The following ESR1 variants were observed in gnomAD, a reference collection of about 807,000 sequenced individuals.
ESR1 encodes estrogen receptor.
Under a neutral mutation model 52.7 loss-of-function variants are expected in ESR1, and 12 were observed. That is an observed-to-expected ratio of 0.23 (90% CI 0.15 to 0.37). ESR1 has a LOEUF of 0.37. ESR1 is among the 10% of genes least tolerant of loss of function. ESR1 has a pLI of 1.00. For synonymous variants in ESR1, 305 were observed against 316.8 expected (o/e 0.96, Z 0.39); for missense variants, 584 against 779.7 (o/e 0.75, Z 2.99).
At chr6:152,037,453 C>T (rs771912296) in intron 5 of ESR1, among the ~76,000 whole-genome samples, 14 of 152,168 alleles carry the variant, frequency 9.2e-5, no homozygotes, top group South Asian at 2.1e-4. Flanking sequence ...TCTGAAATCA[C>T]GTGAATGATG....
In ESR1 at chr6:151,663,273, A is replaced by C. The variant is rs1306803090; in HGVS notation, n.73+6510A>C. On this transcript the variant is annotated intron_variant and non_coding_transcript_variant, in intron 1 of 2. Transcript: ENST00000473497. ...ATTAATTAATGGCCTATAGAGCTTC[A>C]TGTAGGTTGGTACTTCAAAGTCCCA... 2.0e-5 allele frequency among the ~76,000 whole-genome samples: 3 copies of C among 152,214 alleles called. No individual in the cohort carries two copies. In the East Asian group the frequency reaches 5.8e-4, roughly 29 times the overall value.
At chr6:151,994,983 C>T (rs935506495) in intron 4 of ESR1, among the ~76,000 whole-genome samples, 5 of 151,998 alleles carry the variant, frequency 3.3e-5, no homozygotes, top group Non-Finnish European at 5.9e-5. Context: ...AAGGGGAAAC[C>T]ATAATGCCTT....
At chr6:151,811,436 AT>A (rs1778820636) in intron 1 of ESR1, among the ~76,000 whole-genome samples, 1 of 152,200 alleles carries the variant, frequency 6.6e-6, no homozygotes, top group Admixed American at 6.5e-5. Context: ...CTGCATGCTT[AT>A]TTCAGTTTTA....
chr6:151,829,616 A>T (rs1181819133), intron 1 of ESR1, among the ~76,000 whole-genome samples: 2 of 152,190 alleles, frequency 1.3e-5, no homozygotes, highest in Non-Finnish European at 2.9e-5. Flanking sequence ...GGTTTGAAAA[A>T]TGGGCTTTGC....
intron 1 of ESR1, among the ~76,000 whole-genome samples, chr6:151,672,410 C>T (rs887057213): frequency 6.6e-6 from 1 of 151,868 alleles, no homozygotes; most frequent in African/African-American, 2.4e-5. Flanking sequence ...CATCTTGGCT[C>T]ACTGTAGCCT....
In ESR1 at chr6:151,816,184, C is replaced by A. The variant is rs1779607064; in HGVS notation, c.452+7820C>A. ...TGCTGTGACCAAAGGCTCCCAGGAA[C>A]CTACCCTATTTTCCCCTCAATGCAA... On this transcript the variant is annotated intron_variant, in intron 1 of 7. Coordinates refer to ENST00000206249, the MANE Select transcript of ESR1 (RefSeq NM_000125.4). 2.6e-5 allele frequency among the ~76,000 whole-genome samples: 4 copies of A among 152,142 alleles called. No individual in the cohort carries two copies. The South Asian group carries it at 8.3e-4, about 32-fold the overall frequency.
intron 5 of ESR1, among the ~76,000 whole-genome samples, chr6:152,060,487 C>T (rs374656763): frequency 3.9e-5 from 6 of 152,304 alleles, no homozygotes; most frequent in East Asian, 1.9e-4. Flanking sequence ...CTCAGCCCAA[C>T]CATAGCCCAT....
At chr6:152,024,715 ATATAT>A (rs1404451020) in intron 5 of ESR1, among the ~76,000 whole-genome samples, 2 of 147,892 alleles carry the variant, frequency 1.4e-5, no homozygotes, top group South Asian at 2.1e-4. Flanking sequence ...ATATATTTTA[ATATAT>A]TATATAATAT....
Position 152,062,915 on chromosome 6 carries a change from T to C in ESR1, c.1369+1791T>C, listed in dbSNP as rs143793853. ...CATATAGACTTTTCCTGCATTATTG[T>C]TTTGTTTCTGTTCCTATGGCAGAGT... On this transcript the variant is annotated intron_variant, in intron 6 of 7. Coordinates refer to ENST00000206249, the MANE Select transcript of ESR1 (RefSeq NM_000125.4). Among the ~76,000 whole-genome samples the C allele has an allele frequency of 7.0e-4, 106 of 152,340 alleles. 1 individual carries two copies. Among genetic ancestry groups the C allele is most frequent in the African/African-American group, 2.5e-3 (104 of 41,582 alleles).
intron 2 of ESR1, among the ~76,000 whole-genome samples, chr6:151,859,862 G>A (rs1199990485): frequency 1.3e-5 from 2 of 152,112 alleles, no homozygotes; most frequent in Admixed American, 6.6e-5. Context: ...TGTCTACTAT[G>A]TTTGATGTCT....
At chr6:151,877,184 A>C (rs1280722889) in intron 2 of ESR1, among the ~76,000 whole-genome samples, 1 of 152,174 alleles carries the variant, frequency 6.6e-6, no homozygotes, top group East Asian at 1.9e-4. Flanking sequence ...ATATGTATAC[A>C]TGTGCCATGC....
intron 3 of ESR1, among the ~76,000 whole-genome samples, chr6:151,918,111 T>TGGG (rs1562546411): frequency 6.6e-6 from 1 of 152,170 alleles, no homozygotes; most frequent in African/African-American, 2.4e-5. Flanking sequence ...TACCCAGTGA[T>TGGG]GGGGCAGACA....
At position 151,815,913 on chromosome 6, in the gene ESR1, T is replaced by G. The variant is rs749039589; in HGVS notation, c.452+7549T>G. 6.4e-3 allele frequency among the ~76,000 whole-genome samples: 975 copies of G among 152,324 alleles called. 5 individuals are homozygous for G. Among genetic ancestry groups the G allele is most frequent in the Non-Finnish European group, 9.3e-3 (635 of 68,022 alleles). ...ATGATTTTTGCATTTTCATAATCCC[T>G]GTTGATGATTTTGCTGTTTAAAATG... On this transcript the variant is annotated intron_variant, in intron 1 of 7. Coordinates refer to ENST00000206249, the MANE Select transcript of ESR1 (RefSeq NM_000125.4).
At chr6:152,014,085 G>GCT (rs955510865) in intron 5 of ESR1, among the ~76,000 whole-genome samples, 5 of 151,984 alleles carry the variant, frequency 3.3e-5, no homozygotes, top group Non-Finnish European at 7.4e-5. Flanking sequence ...CCCTGCACAC[G>GCT]CTCTCTCTCT....
chr6:151,706,831 T>C (rs1562343921), intron 2 of ESR1, among the ~76,000 whole-genome samples: 1 of 152,110 alleles, frequency 6.6e-6, no homozygotes, highest in Non-Finnish European at 1.5e-5. Context: ...TCAGTAGAAG[T>C]AAAATAAAAA....
Position 151,842,581 on chromosome 6 carries a change from G to T in ESR1, c.453-16G>T. On this transcript the variant is annotated splice_polypyrimidine_tract_variant and intron_variant, in intron 1 of 7. Coordinates refer to ENST00000206249, the MANE Select transcript of ESR1 (RefSeq NM_000125.4). ...CTTTTCTAATGTTAATGGATTTACT[G>T]TTTTTTTCCCCCCAGGCCAAATTCA... is the stretch of plus-strand genomic sequence containing the variant. The T allele has an allele frequency of 1.9e-6, 3 of 1,610,484 alleles. No individual in the cohort carries two copies. Among genetic ancestry groups the T allele is most frequent in the Non-Finnish European group, 2.5e-6 (3 of 1,178,348 alleles).
At chr6:151,713,771 T>C (rs932235502) in intron 2 of ESR1, among the ~76,000 whole-genome samples, 2 of 152,186 alleles carry the variant, frequency 1.3e-5, no homozygotes, top group South Asian at 4.1e-4. Flanking sequence ...ATTTTGTTAA[T>C]CTTTTCAAAA....
At chr6:151,686,723 A>C (rs909952441), upstream of ESR1, among the ~76,000 whole-genome samples, 1 of 149,438 alleles carries the variant, frequency 6.7e-6, no homozygotes, top group African/African-American at 2.5e-5. Context: ...CAACCAACCA[A>C]CCAACCAACC....
At chr6:151,708,588 C>T (rs1290881322) in intron 2 of ESR1, among the ~76,000 whole-genome samples, 3 of 152,114 alleles carry the variant, frequency 2.0e-5, no homozygotes, top group Non-Finnish European at 4.4e-5. Flanking sequence ...TATTTCCCTG[C>T]TTTCTAATCT....
Sources: allele counts gnomAD v4.1 joint callset (sites outside exome capture counted in the v4.1 genomes callset), GRCh38; gene constraint gnomAD v4.1.1; transcripts MANE v1.5; gene names NCBI Gene and HGNC (gene_info 2026-07-23, HGNC 2026-07-21).